The following XPA variants were observed in gnomAD, a reference collection of about 807,000 sequenced individuals.
The protein encoded by XPA is XPA, DNA damage recognition and repair factor.
A neutral mutation model predicts 35.7 loss-of-function variants in XPA; 27 were observed. The observed-to-expected ratio is 0.76, with a 90% CI of 0.56 to 1.04. The LOEUF (loss-of-function observed/expected upper bound fraction) is 1.04, where lower values mean the gene tolerates loss of function less well. Ranked by LOEUF, XPA falls within the 50% of genes least tolerant of loss-of-function variation. The pLI, the probability that XPA is intolerant of heterozygous loss-of-function variation, is 0.00. For missense variants in XPA, 354 were observed against 342.7 expected, an observed-to-expected ratio of 1.03 and a Z score of -0.26; for synonymous variants, 133 against 118.4, an observed-to-expected ratio of 1.12 and a Z score of -0.80.
chr9:97,680,425 T>G (rs1472411537), intron 5 of XPA, among the ~76,000 whole-genome samples: 1 of 152,138 alleles, frequency 6.6e-6, no homozygotes, highest in Non-Finnish European at 1.5e-5. Context: ...GCCAGGCTGG[T>G]CTCAAACTCC....
downstream of XPA, chr9:97,671,250 T>A (rs746008403): frequency 2.3e-6 from 3 of 1,333,292 alleles, no homozygotes; most frequent in South Asian, 3.8e-5. Flanking sequence ...TAAAATAATT[T>A]GTCTTATTTT....
At position 97,674,956 on chromosome 9, in the gene XPA, C is replaced by G. The variant is rs1393065507; in HGVS notation, c.*483G>C. 3.8e-6 allele frequency: 2 copies of G among 519,940 alleles called. No homozygotes were observed. Among genetic ancestry groups the G allele is most frequent in the Non-Finnish European group, 7.5e-6 (2 of 267,322 alleles). 32.2% of individuals were successfully genotyped at this position (519,940 alleles called of 1,614,324 possible). A position where few individuals can be genotyped will look rare whatever the true frequency, so the allele number is the denominator to read the frequency against. The stretch of plus-strand genomic sequence containing the variant: ...TTATTTCTGCTATTAGGGCTTTTTC[C>G]AGCAGTAGTTCCCCACTGTTTCCAC... On this transcript the variant is annotated 3_prime_UTR_variant, in exon 6 of 6. Coordinates refer to ENST00000375128, the MANE Select transcript of XPA (RefSeq NM_000380.4).
chr9:97,692,412 A>AAAAC (rs1198863002), intron 2 of XPA, among the ~76,000 whole-genome samples: 1 of 152,218 alleles, frequency 6.6e-6, no homozygotes, highest in African/African-American at 2.4e-5. Context: ...AAACTTTAAG[A>AAAAC]AAACAAACAA....
At chr9:97,658,751 A>T in the XPA span, 1 of 1,555,764 alleles carries the variant, frequency 6.4e-7, no homozygotes. Flanking sequence ...GCAGTAAGTA[A>T]TGAAACTAAT....
At chr9:97,674,851 G>GCTAT (rs1186739657), downstream of XPA, 27 of 403,730 alleles carry the variant, frequency 6.7e-5, no homozygotes, top group Admixed American at 1.4e-4. Context: ...CATTTAAAAA[G>GCTAT]CTATCTAGAC....
chr9:97,689,456 T>A, intron 3 of XPA, 78 bp downstream of exon 3: 1 of 874,832 alleles, frequency 1.1e-6, no homozygotes, highest in Non-Finnish European at 1.9e-6. Flanking sequence ...AAATATCAAA[T>A]CCAAACAGAT....
chr9:97,690,578 G>A (rs1828857224), intron 2 of XPA, among the ~76,000 whole-genome samples: 1 of 152,202 alleles, frequency 6.6e-6, no homozygotes, highest in South Asian at 2.1e-4. Context: ...AGTAGAGATG[G>A]GGTTTTACCA....
the XPA span, among the ~76,000 whole-genome samples, chr9:97,661,600 A>G: frequency 6.6e-6 from 1 of 152,184 alleles, no homozygotes; most frequent in African/African-American, 2.4e-5. Context: ...GGTATTTATT[A>G]CTGGGATTTT....
At chr9:97,669,516 GTTTC>G in the XPA span, 6,801 of 968,470 alleles carry the variant, frequency 7.0e-3, 59 homozygotes, top group Non-Finnish European at 8.2e-3. Flanking sequence ...ATACTTTGGG[GTTTC>G]TTTGTCATGA....
intron 2 of XPA, among the ~76,000 whole-genome samples, chr9:97,692,862 C>A (rs1297300112): frequency 6.6e-6 from 1 of 152,100 alleles, no homozygotes; most frequent in Non-Finnish European, 1.5e-5. Flanking sequence ...CAGCCACCCC[C>A]CAACCCCACC....
intron 5 of XPA, among the ~76,000 whole-genome samples, chr9:97,677,156 T>C (rs1447231435): frequency 6.6e-6 from 1 of 152,170 alleles, no homozygotes; most frequent in Non-Finnish European, 1.5e-5. Context: ...TCTGCCTAAT[T>C]TGAATATTAT....
chr9:97,662,010 A>G, the XPA span: 7 of 1,529,208 alleles, frequency 4.6e-6, no homozygotes, highest in East Asian at 1.6e-4. Flanking sequence ...CTGTGCTTAC[A>G]TTTTTCTGTT....
At chr9:97,682,985 A>C (rs1564042066) in intron 5 of XPA, among the ~76,000 whole-genome samples, 1 of 152,218 alleles carries the variant, frequency 6.6e-6, no homozygotes, top group Non-Finnish European at 1.5e-5. Context: ...ATTAGATGAC[A>C]CTGACCAAAT....
At chr9:97,676,457 T>G (rs1200740548) in intron 5 of XPA, among the ~76,000 whole-genome samples, 1 of 152,248 alleles carries the variant, frequency 6.6e-6, no homozygotes, top group Non-Finnish European at 1.5e-5. Context: ...TTCATTATCT[T>G]TGACAGTGGC....
At chr9:97,665,210 T>G in the XPA span, among the ~76,000 whole-genome samples, 2 of 152,252 alleles carry the variant, frequency 1.3e-5, no homozygotes, top group Non-Finnish European at 2.9e-5. Flanking sequence ...GATCTAAGGT[T>G]GTCATACCGG....
intron 5 of XPA, among the ~76,000 whole-genome samples, chr9:97,676,552 G>A (rs948172407): frequency 6.6e-6 from 1 of 152,032 alleles, no homozygotes; most frequent in Non-Finnish European, 1.5e-5. Context: ...TATTTTCCCT[G>A]ATCCATTTTA....
the XPA span, among the ~76,000 whole-genome samples, chr9:97,665,503 G>A: frequency 6.6e-6 from 1 of 152,210 alleles, no homozygotes; most frequent in Non-Finnish European, 1.5e-5. Context: ...GTGCTCAACA[G>A]CTCCATCTGT....
the XPA span, among the ~76,000 whole-genome samples, chr9:97,654,578 A>G: frequency 6.8e-6 from 1 of 147,792 alleles, no homozygotes; most frequent in East Asian, 2.6e-4. Flanking sequence ...AAAAAAAAAA[A>G]GAAGCAATTT....
At position 97,687,044 on chromosome 9, in the gene XPA, G is replaced by A. The variant is rs558228090; in HGVS notation, c.555+52C>T. The A allele has an allele frequency of 2.6e-6, 4 of 1,561,516 alleles. No individual in the cohort carries two copies. In the South Asian group the frequency reaches 4.8e-5, roughly 19 times the overall value. ...AAGCCAAACCAATTATGACTAGTTT[G>A]TTATTAAGAATTTACCAGAGTGAAA... On this transcript the variant is annotated intron_variant, in intron 4 of 5. Transcript: ENST00000375128.
Sources: gnomAD v4.1 joint callset for allele counts (sites outside exome capture counted in the v4.1 genomes callset) on GRCh38, gnomAD v4.1.1 for gene constraint, MANE v1.5 for transcripts, NCBI Gene and HGNC (gene_info 2026-07-23, HGNC 2026-07-21) for gene names.